SPEG: variants seen among roughly 807,000 people sequenced by gnomAD.
The protein encoded by SPEG is striated muscle preferentially expressed protein kinase.
A neutral mutation model predicts 300.4 loss-of-function variants in SPEG; 114 were observed. The observed-to-expected ratio is 0.38, with a 90% CI of 0.33 to 0.44. SPEG has a LOEUF of 0.44. Ranked by LOEUF, SPEG falls within the 20% of genes least tolerant of loss-of-function variation. The probability of loss-of-function intolerance (pLI) is 1.00; values close to 1 mark genes in which losing one functional copy is unlikely to be tolerated. For missense variants in SPEG, 4,201 were observed against 4,586.2 expected, an observed-to-expected ratio of 0.92 and a Z score of 2.43; for synonymous variants, 1,964 against 2,018.9, an observed-to-expected ratio of 0.97 and a Z score of 0.73.
rs752302812 is a variant in SPEG, at chr2:219,484,424, A to G, written c.6961A>G (p.Ser2321Gly). 6.2e-7 allele frequency: 1 copy of G among 1,611,158 alleles called. No homozygotes were observed. Among genetic ancestry groups the G allele is most frequent in the African/African-American group, 1.3e-5 (1 of 74,900 alleles). The change falls in exon 30 of 41, where the codon AGT becomes GGT. Residue 2321 changes from serine (S) to glycine (G), a missense_variant. By Grantham distance (56) the Ser-to-Gly change is moderately conservative. Around this residue, in one of 4 missense-constraint regions of SPEG, gnomAD observed 1,578 missense variants for 1,506.0 expected, o/e 1.05. Transcript: ENST00000312358. ...GCCCCCCAGGCCAGGCAGCAGTCTCAGTAGCAGCATCGAAAACTTGGAGTC... is the reference window on the plus strand; with the variant it reads ...GCCCCCCAGGCCAGGCAGCAGTCTCGGTAGCAGCATCGAAAACTTGGAGTC... ...TVPPRPGSSL[S>G]SSIENLESEA...
intron 6 of SPEG, among the ~76,000 whole-genome samples, chr2:219,456,937 A>C (rs1013692821): frequency 1.4e-4 from 9 of 63,738 alleles, no homozygotes; most frequent in African/African-American, 2.8e-4. Flanking sequence ...AAAGAAAAAG[A>C]AAAAAAAGAA....
chr2:219,441,511 C>G (rs770676336), intron 1 of SPEG: 7 of 470,082 alleles, frequency 1.5e-5, no homozygotes, highest in Admixed American at 4.7e-5. Context: ...TCGGTTCTGC[C>G]TGGCACAGTG....
At chr2:219,461,755 T>C (rs995876362) in intron 6 of SPEG, 127 bp from the exon 7 acceptor site, 1 of 1,039,282 alleles carries the variant, frequency 9.6e-7, no homozygotes, top group Non-Finnish European at 1.4e-6. Context: ...AGCCTGGGGG[T>C]GAAGTCAGGG....
At chr2:219,457,476 A>G (rs1247578471) in intron 6 of SPEG, among the ~76,000 whole-genome samples, 2 of 152,118 alleles carry the variant, frequency 1.3e-5, no homozygotes, top group African/African-American at 4.8e-5. Context: ...CCAGCTACTG[A>G]GGGAGGCCGA....
At chr2:219,490,006 C>T (rs937211224) in intron 36 of SPEG, 67 bp downstream of exon 36, 13 of 1,501,670 alleles carry the variant, frequency 8.7e-6, no homozygotes, top group African/African-American at 5.6e-5. Context: ...CACATGGCTT[C>T]GGAGAGAAGA....
At position 219,451,232 on chromosome 2, in the gene SPEG, C is replaced by T. The variant is rs1263749743; in HGVS notation, c.2210C>T (p.Ala737Val). The part of the protein sequence containing the change: ...PLQNVVVAPG[A>V]DVLLKCIITA... ...CAGAATGTGGTGGTGGCACCAGGGGCAGATGTGCTGCTCAAGTGTATCATC... is the reference window on the plus strand; with the variant it reads ...CAGAATGTGGTGGTGGCACCAGGGGTAGATGTGCTGCTCAAGTGTATCATC... Residue 737 changes from alanine to valine, a missense_variant, in exon 5 of 41, where the codon GCA (alanine) becomes GTA (valine). Physicochemically the swap from Ala to Val is moderately conservative, Grantham distance 64. Transcript: ENST00000312358. This position sits in a 1 kb window ranked among gnomAD's most constrained non-coding sequence, Gnocchi z 6.4. The T allele has an allele frequency of 6.2e-7, 1 of 1,613,812 alleles. No homozygotes were observed. The highest frequency in any genetic ancestry group is 1.3e-5 in the African/African-American group (1 of 75,028).
At chr2:219,447,108 A>G (rs1171852519) in intron 3 of SPEG, among the ~76,000 whole-genome samples, 1 of 151,254 alleles carries the variant, frequency 6.6e-6, no homozygotes, top group Non-Finnish European at 1.5e-5. Context: ...TGAAAGGGAT[A>G]CTCTGGGGTG....
chr2:219,482,953 G>T, intron 29 of SPEG, 101 bp downstream of exon 29: 3 of 1,401,768 alleles, frequency 2.1e-6, no homozygotes, highest in South Asian at 1.2e-5. Flanking sequence ...CTGTCTTCTC[G>T]CTTTCACTGG....
intron 9 of SPEG, chr2:219,466,219 G>A: frequency 2.8e-6 from 4 of 1,454,526 alleles, no homozygotes; most frequent in East Asian, 5.0e-5. Context: ...ACCCCATGCA[G>A]CCCCCAGGGG....
intron 1 of SPEG, among the ~76,000 whole-genome samples, chr2:219,436,530 A>T (rs143248154): frequency 6.6e-6 from 1 of 152,168 alleles, no homozygotes; most frequent in Non-Finnish European, 1.5e-5. Flanking sequence ...GTGTAGGGGT[A>T]AATCCTTGGA....
chr2:219,457,076 C>T (rs965386111), intron 6 of SPEG, among the ~76,000 whole-genome samples: 1 of 152,170 alleles, frequency 6.6e-6, no homozygotes, highest in South Asian at 2.1e-4. Flanking sequence ...CATGTCAGCA[C>T]CCTGTGGAAA....
chr2:219,491,868 A>G lies in SPEG; in HGVS notation c.9460A>G (p.Met3154Val). 6.2e-6 allele frequency: 10 copies of G among 1,601,882 alleles called. No individual in the cohort carries two copies. The highest frequency in any genetic ancestry group is 8.5e-6 in the Non-Finnish European group (10 of 1,172,378). ...IWGAGVLTYI[M>V]LSGRSPFYEP... ...GGGAGCGGGTGTGCTCACTTACATT[A>G]TGTGAGTGTCCCCTACCCCACCGCA... The change falls in exon 39 of 41, where the codon ATG (methionine) becomes GTG (valine). Residue 3154 changes from methionine to valine, a missense_variant and splice_region_variant. This residue lies in a region of SPEG where 318 missense variants were observed against 429.5 expected (regional missense o/e 0.74). Coordinates refer to ENST00000312358, the MANE Select transcript of SPEG (RefSeq NM_005876.5).
At position 219,484,101 on chromosome 2, in the gene SPEG, A is replaced by G. The variant is rs916386534; in HGVS notation, c.6638A>G (p.Asp2213Gly). 6.2e-7 allele frequency: 1 copy of G among 1,613,480 alleles called. No homozygotes were observed. Among genetic ancestry groups the G allele is most frequent in the Non-Finnish European group, 8.5e-7 (1 of 1,179,910 alleles). ...PQPPAPQPAQ[D>G]KAPEPRPEPV... ...CCCCCCGCACCCCAGCCTGCCCAAG[A>G]CAAGGCTCCAGAGCCCAGGCCAGAA... The change falls in exon 30 of 41, where the codon GAC becomes GGC. Residue 2213 changes from aspartate (D) to glycine (G), a missense_variant. By Grantham distance (94) the Asp-to-Gly change is moderately conservative (BLOSUM62 -1). This residue lies in a region of SPEG where 1,578 missense variants were observed against 1,506.0 expected (regional missense o/e 1.05). Transcript: ENST00000312358.
chr2:219,454,534 C>A (rs546027941), intron 6 of SPEG, among the ~76,000 whole-genome samples: 2 of 152,354 alleles, frequency 1.3e-5, no homozygotes, highest in South Asian at 4.1e-4. Flanking sequence ...CATAGACTTT[C>A]CCAAGCCCTT....
intron 8 of SPEG, among the ~76,000 whole-genome samples, chr2:219,463,593 T>G (rs1379228349): frequency 1.3e-5 from 2 of 151,432 alleles, no homozygotes; most frequent in Non-Finnish European, 2.9e-5. Flanking sequence ...TTGTATTTTT[T>G]GTAGAGGCAG....
In SPEG at chr2:219,445,433, G is replaced by C; in HGVS notation, c.815+272G>C. On this transcript the variant is annotated intron_variant, in intron 3 of 40. Coordinates refer to ENST00000312358, the MANE Select transcript of SPEG (RefSeq NM_005876.5). This position sits in a 1 kb window ranked among gnomAD's most constrained non-coding sequence, Gnocchi z 6.1. ...GCTGTCCCTTCCTTGTCTCCTCCAA[G>C]ATCTCCAGTTTCTCAGGGGCCCTCT... is the stretch of plus-strand genomic sequence containing the variant. 1 of 511,864 alleles carries C rather than the reference G, an allele frequency of 2.0e-6. No homozygotes were observed. Among genetic ancestry groups the C allele is most frequent in the Non-Finnish European group, 3.5e-6 (1 of 287,722 alleles). 31.7% of individuals were successfully genotyped at this position (511,864 alleles called of 1,614,324 possible).
rs374808548 is a variant in SPEG, at chr2:219,460,196, C to T, written c.2441-1686C>T. 6.7e-5 allele frequency: 43 copies of T among 642,250 alleles called. No individual in the cohort carries two copies. In the African/African-American group the frequency reaches 8.3e-4, roughly 12 times the overall value. 39.8% of individuals were successfully genotyped at this position (642,250 alleles called of 1,614,324 possible). ...GGCCCTGTGGTGGCTGCTGGCCAGA[C>T]CTTCCATGGCAGGGATGAGGGGGCA... On this transcript the variant is annotated intron_variant, in intron 6 of 40. Transcript: ENST00000312358.
Position 219,467,258 on chromosome 2 carries a change from G to A in SPEG, c.2966G>A (p.Cys989Tyr). Reference protein sequence around the residue: ...VGAGEMALFECLVAGPTDVEV... With the variant: ...VGAGEMALFEYLVAGPTDVEV... Reference sequence around the variant, plus strand: ...GCCGGGGAGATGGCGCTGTTTGAGTGCCTGGTGGCGGGGCCCACTGACGTG... The same window carrying A: ...GCCGGGGAGATGGCGCTGTTTGAGTACCTGGTGGCGGGGCCCACTGACGTG... The change falls in exon 10 of 41, where the codon TGC (cysteine) becomes TAC (tyrosine). Residue 989 changes from cysteine to tyrosine, a missense_variant. This residue lies in a region of SPEG where 1,047 missense variants were observed against 1,356.8 expected (regional missense o/e 0.77). Transcript: ENST00000312358. 1 of 1,608,282 alleles carries A rather than the reference G, an allele frequency of 6.2e-7. No individual in the cohort carries two copies. Among genetic ancestry groups the A allele is most frequent in the Non-Finnish European group, 8.5e-7 (1 of 1,178,798 alleles).
intron 1 of SPEG, chr2:219,442,143 G>A: frequency 9.2e-7 from 1 of 1,081,564 alleles, no homozygotes. Flanking sequence ...GCGCCCCGGA[G>A]GGAGGGCGGG....
Sources: gnomAD v4.1 joint callset for allele counts (sites outside exome capture counted in the v4.1 genomes callset) on GRCh38, gnomAD v4.1.1 for gene constraint, gnomAD v4.1.1 regional missense constraint, Gnocchi (gnomAD v3.1) non-coding constraint, MANE v1.5 for transcripts, NCBI Gene and HGNC (gene_info 2026-07-23, HGNC 2026-07-21) for gene names.